ZNF385B: variants seen among roughly 807,000 people sequenced by gnomAD.
The protein encoded by ZNF385B is zinc finger protein 385B.
ZNF385B carries 23 observed loss-of-function variants against 39.2 expected under a neutral mutation model. The observed-to-expected ratio is 0.59, with a 90% CI of 0.42 to 0.83. ZNF385B has a LOEUF of 0.83. Among genes scored for constraint, ZNF385B ranks in the 40% least tolerant of loss-of-function variants. ZNF385B has a pLI of 0.00. For synonymous variants in ZNF385B, 205 were observed against 222.6 expected, an observed-to-expected ratio of 0.92 and a Z score of 0.70; for missense variants, 552 against 598.9, an observed-to-expected ratio of 0.92 and a Z score of 0.82.
At chr2:179,811,278 T>C (rs1157068754) in intron 1 of ZNF385B, among the ~76,000 whole-genome samples, 1 of 152,122 alleles carries the variant, frequency 6.6e-6, no homozygotes, top group Non-Finnish European at 1.5e-5. Context: ...ACTACCAGCA[T>C]CATTTTTCAC....
At chr2:179,486,214 C>T (rs1049636192) in intron 5 of ZNF385B, among the ~76,000 whole-genome samples, 1 of 152,054 alleles carries the variant, frequency 6.6e-6, no homozygotes, top group Non-Finnish European at 1.5e-5. Flanking sequence ...CTCTTTCAGG[C>T]ACAATTCTAA....
At chr2:179,680,567 A>C (rs182389696) in intron 3 of ZNF385B, among the ~76,000 whole-genome samples, 21 of 152,254 alleles carry the variant, frequency 1.4e-4, no homozygotes, top group African/African-American at 4.8e-4. Context: ...GTAGTTACTT[A>C]AGTTTGTTAA....
At chr2:179,850,528 C>T (rs554945932) in intron 1 of ZNF385B, among the ~76,000 whole-genome samples, 26 of 152,320 alleles carry the variant, frequency 1.7e-4, no homozygotes, top group Non-Finnish European at 3.2e-4. Flanking sequence ...TCCTTGTCCA[C>T]GTATCATCCC....
chr2:179,488,938 C>T (rs1360925366), intron 5 of ZNF385B, among the ~76,000 whole-genome samples: 2 of 152,120 alleles, frequency 1.3e-5, no homozygotes, highest in East Asian at 3.8e-4. Flanking sequence ...AACAAAGACC[C>T]CTACTTGCCA....
At chr2:179,684,264 T>C (rs1575222592) in intron 3 of ZNF385B, among the ~76,000 whole-genome samples, 2 of 152,344 alleles carry the variant, frequency 1.3e-5, no homozygotes, top group East Asian at 1.9e-4. Flanking sequence ...TTCCTGGACA[T>C]ATTTGTACTC....
chr2:179,853,255 C>A (rs1006052293), intron 1 of ZNF385B, among the ~76,000 whole-genome samples: 65 of 152,198 alleles, frequency 4.3e-4, no homozygotes, highest in African/African-American at 1.5e-3. Flanking sequence ...ATGAGTCTGC[C>A]CTAGTTATAT....
intron 1 of ZNF385B, among the ~76,000 whole-genome samples, chr2:179,779,801 C>CA (rs1362006823): frequency 6.6e-6 from 1 of 151,774 alleles, no homozygotes; most frequent in Non-Finnish European, 1.5e-5. Flanking sequence ...TACCTGGGCA[C>CA]AAAAAAATGA....
At chr2:179,648,258 G>A (rs895799937) in intron 3 of ZNF385B, among the ~76,000 whole-genome samples, 1 of 152,098 alleles carries the variant, frequency 6.6e-6, no homozygotes, top group African/African-American at 2.4e-5. Flanking sequence ...CATCTAATAA[G>A]GAAAGGTGGC....
intron 3 of ZNF385B, among the ~76,000 whole-genome samples, chr2:179,716,308 T>C (rs1700327293): frequency 2.0e-5 from 3 of 152,200 alleles, no homozygotes; most frequent in African/African-American, 7.2e-5. Context: ...TATTTTTTCA[T>C]TCTTAAAATC....
chr2:179,759,456 C>G (rs1703236041), intron 3 of ZNF385B, among the ~76,000 whole-genome samples: 2 of 152,096 alleles, frequency 1.3e-5, no homozygotes, highest in African/African-American at 4.8e-5. Context: ...CCCATAGGAC[C>G]AGAAAACCCT....
chr2:179,670,247 G>C (rs1278531957), intron 3 of ZNF385B, among the ~76,000 whole-genome samples: 1 of 147,508 alleles, frequency 6.8e-6, no homozygotes, highest in Non-Finnish European at 1.5e-5. Flanking sequence ...GGCCGAGATT[G>C]CGCCACTGCA....
At chr2:179,625,444 T>C (rs1690573062) in intron 3 of ZNF385B, among the ~76,000 whole-genome samples, 1 of 151,950 alleles carries the variant, frequency 6.6e-6, no homozygotes, top group Admixed American at 6.6e-5. Context: ...TGGTTATTTG[T>C]ATTGACAATT....
chr2:179,651,901 C>A (rs1359865692), intron 3 of ZNF385B, among the ~76,000 whole-genome samples: 1 of 152,098 alleles, frequency 6.6e-6, no homozygotes, highest in Non-Finnish European at 1.5e-5. Context: ...TTTCCCTTAT[C>A]TTTATCAGGG....
chr2:179,821,861 T>C (rs1229702334), intron 1 of ZNF385B, among the ~76,000 whole-genome samples: 1 of 152,144 alleles, frequency 6.6e-6, no homozygotes, highest in African/African-American at 2.4e-5. Flanking sequence ...TTAATCTGAC[T>C]GCAGTGACAA....
chr2:179,585,091 G>A (rs958424955), intron 3 of ZNF385B, among the ~76,000 whole-genome samples: 1 of 152,192 alleles, frequency 6.6e-6, no homozygotes, highest in African/African-American at 2.4e-5. Context: ...GTTCTGGGTG[G>A]CAGCCAGCTT....
intron 4 of ZNF385B, among the ~76,000 whole-genome samples, chr2:179,525,813 C>T (rs2058850138): frequency 6.6e-6 from 1 of 152,114 alleles, no homozygotes; most frequent in African/African-American, 2.4e-5. Context: ...AGCTGTGTCG[C>T]TAAAGAGCAA....
intron 3 of ZNF385B, among the ~76,000 whole-genome samples, chr2:179,573,572 G>A (rs1350017615): frequency 6.6e-6 from 1 of 152,062 alleles, no homozygotes; most frequent in Non-Finnish European, 1.5e-5. Flanking sequence ...GTCATGTGCT[G>A]TAAAGTTAGG....
intron 6 of ZNF385B, among the ~76,000 whole-genome samples, chr2:179,452,841 T>C (rs577354373): frequency 6.6e-6 from 1 of 152,314 alleles, no homozygotes; most frequent in South Asian, 2.1e-4. Context: ...GCTTTGTGGC[T>C]ATACTGTCTC....
intron 4 of ZNF385B, chr2:179,536,476 A>T (rs995934542): frequency 1.3e-5 from 2 of 152,244 alleles, no homozygotes; most frequent in African/African-American, 2.4e-5. Context: ...AGAAAGGGAC[A>T]TACAAGAGGA....
Sources: allele counts gnomAD v4.1 joint callset (sites outside exome capture counted in the v4.1 genomes callset), GRCh38; gene constraint gnomAD v4.1.1; transcripts MANE v1.5; gene names NCBI Gene and HGNC (gene_info 2026-07-23, HGNC 2026-07-21).